SPRED1: variants seen among roughly 807,000 people sequenced by gnomAD.
The protein encoded by SPRED1 is sprouty-related, EVH1 domain-containing protein 1.
A neutral mutation model predicts 52.3 loss-of-function variants in SPRED1; 18 were observed. That is an observed-to-expected ratio of 0.34 (90% CI 0.24 to 0.51). The LOEUF is 0.51. Among genes scored for constraint, SPRED1 ranks in the 20% least tolerant of loss-of-function variants. The pLI, the probability that SPRED1 is intolerant of heterozygous loss-of-function variation, is 0.97. For synonymous variants in SPRED1, 155 were observed against 179.7 expected (o/e 0.86, Z 1.10); for missense variants, 485 against 551.0 (o/e 0.88, Z 1.20).
In SPRED1 at chr15:38,320,541, A is replaced by T. The variant is rs114846336; in HGVS notation, c.208-1700A>T. Reference sequence around the variant, plus strand: ...CCTGCAGAGTAGTGCAATTACTATTAGTAATTCACTACTACTAGTAATATC... The same window carrying T: ...CCTGCAGAGTAGTGCAATTACTATTTGTAATTCACTACTACTAGTAATATC... On this transcript the variant is annotated intron_variant, in intron 2 of 6. Transcript: ENST00000299084. 3.0e-3 allele frequency among the ~76,000 whole-genome samples: 452 copies of T among 152,264 alleles called. 2 individuals are homozygous for T. The highest frequency in any genetic ancestry group is 0.011 in the African/African-American group (441 of 41,550).
At chr15:38,320,251 T>TA (rs879321682) in intron 2 of SPRED1, among the ~76,000 whole-genome samples, 2 of 152,024 alleles carry the variant, frequency 1.3e-5, no homozygotes, top group African/African-American at 4.8e-5. Context: ...AAGTATAAAT[T>TA]AGAGATTCCT....
At chr15:38,305,103 T>A (rs1595736594) in intron 2 of SPRED1, among the ~76,000 whole-genome samples, 1 of 151,808 alleles carries the variant, frequency 6.6e-6, no homozygotes, top group South Asian at 2.1e-4. Context: ...CCAAGGCGGG[T>A]GGATTGCCTG....
chr15:38,293,846 A>G (rs567940526), intron 1 of SPRED1, among the ~76,000 whole-genome samples: 11 of 152,240 alleles, frequency 7.2e-5, no homozygotes, highest in Admixed American at 2.0e-4. Flanking sequence ...TGCTCTCTCT[A>G]TTGAGTGTCC....
chr15:38,284,176 T>C (rs1167199681), intron 1 of SPRED1, among the ~76,000 whole-genome samples: 2 of 152,194 alleles, frequency 1.3e-5, no homozygotes, highest in Non-Finnish European at 1.5e-5. Flanking sequence ...TTTTATTTAC[T>C]GTATCAGCCT....
intron 1 of SPRED1, among the ~76,000 whole-genome samples, chr15:38,291,192 A>G (rs981943645): frequency 2.0e-5 from 3 of 152,218 alleles, no homozygotes; most frequent in Admixed American, 6.5e-5. Context: ...GTCAAATTTT[A>G]AAGCTCCAAA....
At chr15:38,290,224 G>A (rs572111133) in intron 1 of SPRED1, among the ~76,000 whole-genome samples, 68 of 152,136 alleles carry the variant, frequency 4.5e-4, no homozygotes, top group African/African-American at 1.5e-3. Context: ...TTCTTCTGAC[G>A]TAGACCAAGA....
chr15:38,264,005 G>A (rs1475960521), intron 1 of SPRED1, among the ~76,000 whole-genome samples: 5 of 152,202 alleles, frequency 3.3e-5, no homozygotes, highest in Admixed American at 6.5e-5. Flanking sequence ...CATTTAGGGC[G>A]AAGTTAGTAG....
chr15:38,260,755 A>G (rs1013562213), intron 1 of SPRED1, among the ~76,000 whole-genome samples: 1 of 152,202 alleles, frequency 6.6e-6, no homozygotes, highest in Non-Finnish European at 1.5e-5. Flanking sequence ...TGTTCTGAGA[A>G]AGGGGTCATA....
intron 2 of SPRED1, among the ~76,000 whole-genome samples, chr15:38,308,211 A>G (rs1401063506): frequency 6.6e-6 from 1 of 152,188 alleles, no homozygotes; most frequent in East Asian, 1.9e-4. Flanking sequence ...TTGTTGAGAT[A>G]ATTGTAGATT....
At chr15:38,260,620 A>G (rs1483601890) in intron 1 of SPRED1, among the ~76,000 whole-genome samples, 1 of 152,254 alleles carries the variant, frequency 6.6e-6, no homozygotes, top group African/African-American at 2.4e-5. Context: ...GCTAGAGCAT[A>G]TATTTTAAAG....
intron 4 of SPRED1, among the ~76,000 whole-genome samples, chr15:38,326,663 T>G (rs546063372): frequency 2.0e-5 from 3 of 152,178 alleles, no homozygotes; most frequent in African/African-American, 7.2e-5. Flanking sequence ...TTTTATCTAA[T>G]GGAGTGGACC....
At chr15:38,326,107 A>G (rs1447950599) in intron 4 of SPRED1, 1 of 152,208 alleles carries the variant, frequency 6.6e-6, no homozygotes, top group African/African-American at 2.4e-5. Context: ...AGATCTTTGG[A>G]TAGAGCGTCA....
intron 1 of SPRED1, among the ~76,000 whole-genome samples, chr15:38,290,859 G>A (rs1894910424): frequency 6.6e-6 from 1 of 152,120 alleles, no homozygotes; most frequent in African/African-American, 2.4e-5. Flanking sequence ...AGATTTGGGT[G>A]GGGACACAGC....
chr15:38,347,461 C>CTT (rs3075337), intron 5 of SPRED1, among the ~76,000 whole-genome samples: 5 of 93,226 alleles, frequency 5.4e-5, no homozygotes, highest in African/African-American at 1.2e-4. Context: ...CCGCTTGGAT[C>CTT]TTTTTTTTTT....
At chr15:38,334,513 A>G (rs993668688) in intron 4 of SPRED1, among the ~76,000 whole-genome samples, 4 of 152,082 alleles carry the variant, frequency 2.6e-5, no homozygotes, top group Non-Finnish European at 4.4e-5. Flanking sequence ...CCTCAACTCC[A>G]CAGAACTATA....
At chr15:38,321,113 T>C (rs1298405135) in intron 2 of SPRED1, among the ~76,000 whole-genome samples, 2 of 152,232 alleles carry the variant, frequency 1.3e-5, no homozygotes, top group Admixed American at 6.5e-5. Flanking sequence ...TTAGGAAATA[T>C]ACTCAAGTGT....
chr15:38,302,645 G>A (rs1895169832), intron 2 of SPRED1, among the ~76,000 whole-genome samples: 1 of 152,112 alleles, frequency 6.6e-6, no homozygotes, highest in African/African-American at 2.4e-5. Flanking sequence ...ATGAGTGTCT[G>A]GGGCCTCCAG....
intron 2 of SPRED1, among the ~76,000 whole-genome samples, chr15:38,319,202 G>A (rs558987253): frequency 6.6e-6 from 1 of 152,164 alleles, no homozygotes; most frequent in East Asian, 1.9e-4. Context: ...CACTGTTTAT[G>A]AATATAGTAT....
At chr15:38,262,745 T>A (rs1376107208) in intron 1 of SPRED1, among the ~76,000 whole-genome samples, 1 of 152,232 alleles carries the variant, frequency 6.6e-6, no homozygotes, top group Non-Finnish European at 1.5e-5. Flanking sequence ...AAAAGTTGAA[T>A]ATTTATCTGA....
Sources: allele counts gnomAD v4.1 joint callset (sites outside exome capture counted in the v4.1 genomes callset), GRCh38; gene constraint gnomAD v4.1.1; transcripts MANE v1.5; gene names NCBI Gene and HGNC (gene_info 2026-07-23, HGNC 2026-07-21).